Variants in CLIC5 observed in about 807,000 individuals in gnomAD.
CLIC5 encodes the protein chloride intracellular channel protein 5.
In CLIC5, 20 loss-of-function variants were observed where a neutral mutation model predicts 24.7. That is an observed-to-expected ratio of 0.81 (90% CI 0.57 to 1.18). CLIC5 has a LOEUF of 1.18. Ranked by LOEUF, CLIC5 falls within the 50% of genes most tolerant of loss-of-function variation. The pLI, the probability that CLIC5 is intolerant of heterozygous loss-of-function variation, is 0.00. For missense variants in CLIC5, 341 were observed against 326.1 expected (o/e 1.05, Z -0.35); for synonymous variants, 159 against 135.6 (o/e 1.17, Z -1.20).
chr6:45,932,406 C>T (rs894949963), intron 4 of CLIC5, among the ~76,000 whole-genome samples: 17 of 152,218 alleles, frequency 1.1e-4, no homozygotes, highest in African/African-American at 4.1e-4. Context: ...CATGCCCGGC[C>T]TAATTGTAAA....
intron 4 of CLIC5, among the ~76,000 whole-genome samples, chr6:45,925,913 T>C (rs1268436637): frequency 3.9e-5 from 6 of 152,140 alleles, no homozygotes; most frequent in African/African-American, 1.2e-4. Flanking sequence ...GAGAGAAGCA[T>C]AGGTTAGCAT....
At chr6:46,082,145 T>A (rs1339043572), upstream of CLIC5, among the ~76,000 whole-genome samples, 1 of 152,210 alleles carries the variant, frequency 6.6e-6, no homozygotes, top group Non-Finnish European at 1.5e-5. Context: ...TAGCTCATAA[T>A]CTAACACTGG....
intron 4 of CLIC5, 123 bp from the exon 5 acceptor site, chr6:45,914,532 A>C: frequency 7.7e-7 from 1 of 1,295,282 alleles, no homozygotes. Context: ...CCAGCTCCCC[A>C]CACACTGCAG....
intron 5 of CLIC5, chr6:45,912,115 A>G: frequency 1.0e-6 from 1 of 986,168 alleles, no homozygotes; most frequent in Non-Finnish European, 1.2e-6. Flanking sequence ...TTCATATGAA[A>G]ACAGTTAGCT....
the CLIC5 span, among the ~76,000 whole-genome samples, chr6:46,115,622 C>T: frequency 3.9e-5 from 6 of 152,224 alleles, no homozygotes; most frequent in Non-Finnish European, 7.3e-5. Context: ...ATTTTGTTCA[C>T]CTTCTACAAA....
At chr6:46,006,923 C>T (rs1020699965) in intron 1 of CLIC5, among the ~76,000 whole-genome samples, 1 of 152,090 alleles carries the variant, frequency 6.6e-6, no homozygotes, top group East Asian at 1.9e-4. Context: ...CCCCCTGCCT[C>T]GGCCTCCCAA....
At chr6:46,106,382 A>G in the CLIC5 span, among the ~76,000 whole-genome samples, 1 of 152,224 alleles carries the variant, frequency 6.6e-6, no homozygotes, top group Non-Finnish European at 1.5e-5. Context: ...CTGGGATTAT[A>G]GGCATGAGTC....
At chr6:46,019,115 G>A (rs1385596439), upstream of CLIC5, among the ~76,000 whole-genome samples, 1 of 147,986 alleles carries the variant, frequency 6.8e-6, no homozygotes, top group African/African-American at 2.5e-5. Context: ...AAGCTAAAAT[G>A]GAATGACAAG....
chr6:46,016,765 C>A (rs1278420464), upstream of CLIC5, among the ~76,000 whole-genome samples: 5 of 152,172 alleles, frequency 3.3e-5, no homozygotes, highest in East Asian at 9.6e-4. Flanking sequence ...TCTTTTCTCC[C>A]GTCTCCACTG....
At chr6:46,122,507 C>T in the CLIC5 span, among the ~76,000 whole-genome samples, 5 of 152,144 alleles carry the variant, frequency 3.3e-5, no homozygotes, top group Admixed American at 6.5e-5. Flanking sequence ...ACCCTAACAT[C>T]GCAATTAAAA....
intron 1 of CLIC5, among the ~76,000 whole-genome samples, chr6:46,030,594 C>G (rs1228356182): frequency 1.3e-5 from 2 of 152,064 alleles, no homozygotes; most frequent in Admixed American, 1.3e-4. Context: ...TAGGTTGGGA[C>G]CTGCTCCCTG....
chr6:45,954,983 T>C, intron 2 of CLIC5, 152 bp downstream of exon 2: 1 of 558,856 alleles, frequency 1.8e-6, no homozygotes, highest in Non-Finnish European at 3.2e-6. Context: ...GCAGACTCTC[T>C]TGTAGCTAAG....
intron 1 of CLIC5, among the ~76,000 whole-genome samples, chr6:45,978,913 G>A (rs540882751): frequency 4.0e-5 from 6 of 151,188 alleles, no homozygotes; most frequent in Admixed American, 2.6e-4. Context: ...TTGCACCATT[G>A]CACTCCAGCC....
chr6:46,085,008 CTTCATTTCA>C (rs1763001097), upstream of CLIC5, among the ~76,000 whole-genome samples: 2 of 152,336 alleles, frequency 1.3e-5, no homozygotes, highest in South Asian at 2.1e-4. Context: ...TCCCTTCTCA[CTTCATTTCA>C]TTCATTTCAT....
chr6:46,070,001 G>C (rs1484654717), intron 1 of CLIC5, among the ~76,000 whole-genome samples: 1 of 152,084 alleles, frequency 6.6e-6, no homozygotes, highest in Non-Finnish European at 1.5e-5. Flanking sequence ...TGCAGAAAAG[G>C]CTTTCTGATA....
the CLIC5 span, among the ~76,000 whole-genome samples, chr6:46,099,738 C>T: frequency 1.3e-5 from 2 of 152,060 alleles, no homozygotes; most frequent in Admixed American, 1.3e-4. Context: ...TCTTGCCCAC[C>T]TATTTAATTA....
intron 5 of CLIC5, among the ~76,000 whole-genome samples, chr6:45,913,490 G>C (rs1298519644): frequency 2.0e-5 from 3 of 152,164 alleles, no homozygotes; most frequent in Non-Finnish European, 4.4e-5. Flanking sequence ...ACATGGTAGG[G>C]CTGGCTCATT....
Position 45,901,444 on chromosome 6 carries a change from C to T in CLIC5, c.*1644G>A, listed in dbSNP as rs1415538966. ...TGGAGGCAGGTAGGTCCAGGGATTGCTTGGGTTAGAATTTGTTGATATTTC... is the reference window on the plus strand; with the variant it reads ...TGGAGGCAGGTAGGTCCAGGGATTGTTTGGGTTAGAATTTGTTGATATTTC... On this transcript the variant is annotated 3_prime_UTR_variant, in exon 6 of 6. Coordinates refer to ENST00000339561, the MANE Select transcript of CLIC5 (RefSeq NM_016929.5). 1.3e-5 allele frequency: 2 copies of T among 152,032 alleles called. No individual in the cohort carries two copies. Among genetic ancestry groups the T allele is most frequent in the African/African-American group, 2.4e-5 (1 of 41,386 alleles). The allele number at this position is 152,032 out of a possible 1,614,324, so 9.4% of individuals were successfully genotyped here.
the CLIC5 span, among the ~76,000 whole-genome samples, chr6:46,100,823 C>T: frequency 2.6e-5 from 4 of 152,132 alleles, no homozygotes; most frequent in Non-Finnish European, 4.4e-5. Context: ...CAAATTTATT[C>T]GTGTGCACAC....
Sources: gnomAD v4.1 joint callset for allele counts (sites outside exome capture counted in the v4.1 genomes callset) on GRCh38, gnomAD v4.1.1 for gene constraint, MANE v1.5 for transcripts, NCBI Gene and HGNC (gene_info 2026-07-23, HGNC 2026-07-21) for gene names.